ARID1B: variants seen among roughly 807,000 people sequenced by gnomAD.
ARID1B encodes the protein AT-rich interactive domain-containing protein 1B.
ARID1B carries 30 observed loss-of-function variants against 212.3 expected under a neutral mutation model. The ratio of observed to expected loss-of-function variants is 0.14; its 90% CI spans 0.11 to 0.19. The LOEUF is 0.19. Ranked by LOEUF, ARID1B falls within the 10% of genes least tolerant of loss-of-function variation. The probability of loss-of-function intolerance (pLI) is 1.00; values close to 1 mark genes in which losing one functional copy is unlikely to be tolerated. For missense variants in ARID1B, 2,891 were observed against 3,204.0 expected (o/e 0.90, Z 2.36); for synonymous variants, 1,402 against 1,301.7 (o/e 1.08, Z -1.66).
intron 8 of ARID1B, chr6:157,166,109 G>A (rs1489663376): frequency 6.6e-6 from 1 of 152,106 alleles, no homozygotes; most frequent in Non-Finnish European, 1.5e-5. Context: ...CTACAATGGT[G>A]GACTCTTTTG....
chr6:157,165,448 T>C (rs999933842), intron 8 of ARID1B, among the ~76,000 whole-genome samples: 2 of 152,234 alleles, frequency 1.3e-5, no homozygotes, highest in African/African-American at 4.8e-5. Context: ...AGACCAGTTA[T>C]GGCTTTGATA....
intron 1 of ARID1B, among the ~76,000 whole-genome samples, chr6:156,798,141 G>A (rs1042468747): frequency 1.3e-5 from 2 of 152,270 alleles, no homozygotes; most frequent in Admixed American, 6.5e-5. Context: ...TGTTTGATGT[G>A]TTGTTCTTTT....
chr6:157,082,402 TTAAATA>T (rs1784695972), intron 4 of ARID1B, among the ~76,000 whole-genome samples: 1 of 152,218 alleles, frequency 6.6e-6, no homozygotes, highest in Non-Finnish European at 1.5e-5. Flanking sequence ...AGTAATCAAG[TTAAATA>T]TAAAGTTTCA....
intron 6 of ARID1B, among the ~76,000 whole-genome samples, chr6:157,114,489 A>G (rs1169881218): frequency 7.6e-6 from 1 of 131,496 alleles, no homozygotes; most frequent in African/African-American, 2.9e-5. Context: ...ACGCCACTGC[A>G]CTCCAGCCTG....
At chr6:157,021,075 C>T (rs1297745345) in intron 4 of ARID1B, among the ~76,000 whole-genome samples, 1 of 151,982 alleles carries the variant, frequency 6.6e-6, no homozygotes, top group African/African-American at 2.4e-5. Flanking sequence ...GCGTCCTTCC[C>T]TCCTCGGCTG....
At chr6:157,114,523 C>CAAAAAAAAAAAAAAA (rs111845551) in intron 6 of ARID1B, among the ~76,000 whole-genome samples, 2 of 50,384 alleles carry the variant, frequency 4.0e-5, no homozygotes, top group African/African-American at 1.3e-4. Flanking sequence ...CACTCCGTCT[C>CAAAAAAAAAAAAAAA]AAAAAAAAAA....
intron 12 of ARID1B, among the ~76,000 whole-genome samples, chr6:157,181,775 C>G (rs1024297121): frequency 2.6e-5 from 4 of 152,270 alleles, no homozygotes; most frequent in Middle Eastern, 6.8e-3. Flanking sequence ...GTCCTGAAGT[C>G]TCATACCCCA....
In ARID1B at chr6:157,020,464, A is replaced by T. The variant is rs543226775; in HGVS notation, c.2248-64198A>T. Among the ~76,000 whole-genome samples, 169 of 152,174 alleles carry T rather than the reference A, an allele frequency of 1.1e-3. 1 individual carries two copies. Among genetic ancestry groups the T allele is most frequent in the African/African-American group, 2.4e-3 (101 of 41,522 alleles). On this transcript the variant is annotated intron_variant, in intron 4 of 19. Transcript: ENST00000636930. ...AAAATATATATTTAATATGAAATTA[A>T]TTTTTTTTAATTAACCCAAACTTTA...
At chr6:156,839,188 G>C (rs1783722968) in intron 2 of ARID1B, among the ~76,000 whole-genome samples, 1 of 152,092 alleles carries the variant, frequency 6.6e-6, no homozygotes, top group African/African-American at 2.4e-5. Context: ...TCACAGACTG[G>C]GTAATTTATA....
Position 157,043,065 on chromosome 6 carries a change from A to G in ARID1B, c.2248-41597A>G, listed in dbSNP as rs572361224. Among the ~76,000 whole-genome samples, 4 of 152,348 alleles carry G rather than the reference A, an allele frequency of 2.6e-5. No individual in the cohort carries two copies. The South Asian group carries it at 6.2e-4, about 24-fold the overall frequency. On this transcript the variant is annotated intron_variant, in intron 4 of 19. Coordinates refer to ENST00000636930, the MANE Select transcript of ARID1B (RefSeq NM_001374828.1). ...AAGGTCTAAGCTAAAGTATCTGAAC[A>G]TAAGATGTTAAAGTAAATCCTACAC...
intron 2 of ARID1B, chr6:156,871,594 C>A: frequency 6.2e-7 from 1 of 1,607,882 alleles, no homozygotes; most frequent in Non-Finnish European, 8.5e-7. Flanking sequence ...CTCCTAATTA[C>A]TGTTTTATCC....
At chr6:156,912,000 A>T (rs1000399003) in intron 3 of ARID1B, among the ~76,000 whole-genome samples, 3 of 152,272 alleles carry the variant, frequency 2.0e-5, no homozygotes, top group Admixed American at 6.5e-5. Context: ...ATACAAATAC[A>T]TAGTAAAAAC....
chr6:157,168,163 T>C (rs1221234427), intron 9 of ARID1B: 1 of 152,256 alleles, frequency 6.6e-6, no homozygotes, highest in Non-Finnish European at 1.5e-5. Flanking sequence ...CATGTCCCTG[T>C]GTCCGGCGGA....
intron 3 of ARID1B, among the ~76,000 whole-genome samples, chr6:156,905,610 G>T (rs1365632953): frequency 2.6e-5 from 4 of 152,112 alleles, no homozygotes; most frequent in Non-Finnish European, 4.4e-5. Flanking sequence ...ATCATTAACT[G>T]AATTTCCTTA....
chr6:157,133,445 C>T (rs950093868), intron 7 of ARID1B, among the ~76,000 whole-genome samples: 2 of 152,224 alleles, frequency 1.3e-5, no homozygotes, highest in Admixed American at 6.5e-5. Flanking sequence ...AGGTGCTCAT[C>T]ATCCTTGTGT....
At chr6:157,013,395 A>G (rs912338129) in intron 4 of ARID1B, among the ~76,000 whole-genome samples, 2 of 152,160 alleles carry the variant, frequency 1.3e-5, no homozygotes, top group African/African-American at 2.4e-5. Flanking sequence ...TGTGAGATGG[A>G]GTGATGGCAG....
intron 13 of ARID1B, among the ~76,000 whole-genome samples, chr6:157,189,064 C>T (rs1793174732): frequency 1.3e-5 from 2 of 152,300 alleles, no homozygotes; most frequent in South Asian, 4.1e-4. Context: ...CTATTAATGA[C>T]AGCACAGACA....
At chr6:156,916,842 C>T (rs2128234902) in intron 3 of ARID1B, among the ~76,000 whole-genome samples, 1 of 152,286 alleles carries the variant, frequency 6.6e-6, no homozygotes, top group Non-Finnish European at 1.5e-5. Context: ...ACACATTTCT[C>T]CAGGAACCTT....
At chr6:156,960,649 A>G (rs1417974861) in intron 4 of ARID1B, among the ~76,000 whole-genome samples, 1 of 152,176 alleles carries the variant, frequency 6.6e-6, no homozygotes, top group Non-Finnish European at 1.5e-5. Flanking sequence ...TTTCACTACT[A>G]GTCTTTGTAT....
Sources: allele counts gnomAD v4.1 joint callset (sites outside exome capture counted in the v4.1 genomes callset), GRCh38; gene constraint gnomAD v4.1.1; transcripts MANE v1.5; gene names NCBI Gene and HGNC (gene_info 2026-07-23, HGNC 2026-07-21).